The following ATP2B2 variants were observed in gnomAD, a reference collection of about 807,000 sequenced individuals.
ATP2B2 encodes ATPase plasma membrane Ca2+ transporting 2, also known as plasma membrane calcium-transporting ATPase 2.
A neutral mutation model predicts 120.0 loss-of-function variants in ATP2B2; 15 were observed. The observed-to-expected ratio is 0.12, with a 90% CI of 0.08 to 0.19. The LOEUF is 0.19. Among genes scored for constraint, ATP2B2 ranks in the 10% least tolerant of loss-of-function variants. The probability of loss-of-function intolerance (pLI) is 1.00; values close to 1 mark genes in which losing one functional copy is unlikely to be tolerated. For missense variants in ATP2B2, 1,045 were observed against 1,719.8 expected (o/e 0.61, Z 6.94); for synonymous variants, 694 against 700.3 (o/e 0.99, Z 0.14).
intron 1 of ATP2B2, among the ~76,000 whole-genome samples, chr3:10,683,719 T>A (rs2071436708): frequency 7.5e-6 from 1 of 134,008 alleles, no homozygotes. Context: ...TGTATATACA[T>A]GTGTGTGTGT....
At chr3:10,423,668 A>T (rs2125073624) in intron 2 of ATP2B2, among the ~76,000 whole-genome samples, 1 of 152,208 alleles carries the variant, frequency 6.6e-6, no homozygotes, top group South Asian at 2.1e-4. Flanking sequence ...GACAAGAAGC[A>T]CTTCCCTGTC....
At chr3:10,575,687 A>G (rs11128516) in intron 2 of ATP2B2, among the ~76,000 whole-genome samples, 23,415 of 152,072 alleles carry the variant, frequency 0.15, 2,103 homozygotes, top group South Asian at 0.28. Context: ...GTGCATAAAA[A>G]CACCAATACC....
At chr3:10,401,195 G>T in intron 4 of ATP2B2, 117 bp from the exon 5 acceptor site, 1 of 1,375,958 alleles carries the variant, frequency 7.3e-7, no homozygotes, top group Non-Finnish European at 1.0e-6. Context: ...AATGCCTAGA[G>T]CTCCCAGGGT....
In ATP2B2 at chr3:10,470,952, A is replaced by G. The variant is rs1244977354; in HGVS notation, c.-319-21090T>C. Among the ~76,000 whole-genome samples the G allele has an allele frequency of 2.6e-5, 4 of 152,324 alleles. No individual in the cohort carries two copies. The East Asian group carries it at 7.7e-4, about 29-fold the overall frequency. ...GGACCCACTGACAGCACGGGGGACA[A>G]CAGGCCTTGCCTCAGAGCGATGGCT... On this transcript the variant is annotated intron_variant, in intron 1 of 22. Transcript: ENST00000360273.
chr3:10,469,605 A>G (rs1450073290), intron 1 of ATP2B2, among the ~76,000 whole-genome samples: 1 of 152,208 alleles, frequency 6.6e-6, no homozygotes, highest in Non-Finnish European at 1.5e-5. Context: ...GCAGACTTCC[A>G]GGAAGAGGGT....
intron 2 of ATP2B2, among the ~76,000 whole-genome samples, chr3:10,574,524 C>T (rs2125549717): frequency 6.6e-6 from 1 of 152,310 alleles, no homozygotes; most frequent in Non-Finnish European, 1.5e-5. Flanking sequence ...TTCAGTCCAT[C>T]TCATCCTTTT....
chr3:10,376,647 G>C (rs559992595), intron 10 of ATP2B2, among the ~76,000 whole-genome samples: 1 of 152,240 alleles, frequency 6.6e-6, no homozygotes, highest in Admixed American at 6.5e-5. Context: ...GACAGAGGAA[G>C]AGCCTGCTCA....
At chr3:10,514,030 A>G (rs1265154424) in intron 3 of ATP2B2, among the ~76,000 whole-genome samples, 2 of 152,152 alleles carry the variant, frequency 1.3e-5, no homozygotes, top group Non-Finnish European at 2.9e-5. Context: ...AGAACTTTTC[A>G]TGTGTTGACT....
intron 2 of ATP2B2, among the ~76,000 whole-genome samples, chr3:10,441,750 A>T (rs909423480): frequency 6.6e-6 from 1 of 152,228 alleles, no homozygotes; most frequent in Non-Finnish European, 1.5e-5. Context: ...TATTTGTCCA[A>T]TAAATAAATG....
chr3:10,488,503 CTTCG>C (rs1410965636), intron 1 of ATP2B2, among the ~76,000 whole-genome samples: 68 of 77,562 alleles, frequency 8.8e-4, no homozygotes, highest in Non-Finnish European at 1.4e-3. Flanking sequence ...TCCTTCCTTC[CTTCG>C]TTCCTTCCTT....
intron 3 of ATP2B2, among the ~76,000 whole-genome samples, chr3:10,512,464 G>GCGCGCGCGCGCGCACACACACACA (rs749056818): frequency 1.5e-5 from 2 of 137,026 alleles, no homozygotes; most frequent in East Asian, 2.3e-4. Context: ...AAGTGTGTGC[G>GCGCGCGCGCGCGCACACACACACA]CACACACACA....
At chr3:10,535,232 TATC>T (rs1379263216) in intron 2 of ATP2B2, among the ~76,000 whole-genome samples, 1 of 152,136 alleles carries the variant, frequency 6.6e-6, no homozygotes, top group Non-Finnish European at 1.5e-5. Flanking sequence ...TTTAAATAGT[TATC>T]GATTCAAAAG....
chr3:10,328,945 T>C lies in ATP2B2; in HGVS notation c.3601A>G (p.Ser1201Gly). The change falls in exon 23 of 23, where the codon AGC (serine) becomes GGC (glycine). Residue 1201 changes from serine to glycine, a missense_variant. Ser to Gly is a moderately conservative substitution (Grantham distance 56). This residue lies in a region of ATP2B2 where 211 missense variants were observed against 385.1 expected (regional missense o/e 0.55). Transcript: ENST00000360273. ...TTCTTGTTGAGGGATGACGGCGGGCTCGAGTTCTGCTTGAGCGCGGCATCT... is the reference window on the plus strand; with the variant it reads ...TTCTTGTTGAGGGATGACGGCGGGCCCGAGTTCTGCTTGAGCGCGGCATCT... The part of the protein sequence containing the change: ...EEDAALKQNS[S>G]PPSSLNKNNS... 1.2e-6 allele frequency: 2 copies of C among 1,613,856 alleles called. No individual in the cohort carries two copies. The highest frequency in any genetic ancestry group is 2.2e-5 in the East Asian group (1 of 44,856).
At chr3:10,463,229 TTGCC>T (rs2064574739) in intron 1 of ATP2B2, among the ~76,000 whole-genome samples, 1 of 152,122 alleles carries the variant, frequency 6.6e-6, no homozygotes, top group Non-Finnish European at 1.5e-5. Flanking sequence ...TTTTGCCAGC[TTGCC>T]TCCCCAACTA....
Position 10,444,415 on chromosome 3 carries a change from C to T in ATP2B2, c.199+4930G>A, listed in dbSNP as rs920191941. ...CTAGTGGCAGCCCCATGGACGTTCT[C>T]GTTCAATATCATATTCACGTGCAGC... On this transcript the variant is annotated intron_variant, in intron 2 of 22. Transcript: ENST00000360273. 1.9e-4 allele frequency among the ~76,000 whole-genome samples: 29 copies of T among 152,330 alleles called. No individual in the cohort carries two copies. The East Asian group carries it at 5.0e-3, about 26-fold the overall frequency.
At chr3:10,601,574 T>C (rs2068921719) in intron 2 of ATP2B2, among the ~76,000 whole-genome samples, 1 of 152,216 alleles carries the variant, frequency 6.6e-6, no homozygotes, top group African/African-American at 2.4e-5. Context: ...CTCTAAGACC[T>C]GTTCAACCTA....
intron 1 of ATP2B2, among the ~76,000 whole-genome samples, chr3:10,665,815 C>T (rs967802281): frequency 5.3e-5 from 8 of 152,126 alleles, no homozygotes; most frequent in African/African-American, 1.9e-4. Context: ...AAGCTGGTAT[C>T]AGAGCTGGCA....
chr3:10,621,891 G>A (rs1037547738), intron 1 of ATP2B2, among the ~76,000 whole-genome samples: 1 of 152,228 alleles, frequency 6.6e-6, no homozygotes, highest in Non-Finnish European at 1.5e-5. Flanking sequence ...ACCAGGCTGT[G>A]CTCCCGGGCT....
At chr3:10,697,351 GCTGTGTGA>G (rs1161348955) in intron 1 of ATP2B2, among the ~76,000 whole-genome samples, 3 of 152,110 alleles carry the variant, frequency 2.0e-5, no homozygotes, top group African/African-American at 4.8e-5. Context: ...TGACCTCCTG[GCTGTGTGA>G]CTTTGGGCAA....
Sources: gnomAD v4.1 joint callset for allele counts (sites outside exome capture counted in the v4.1 genomes callset) on GRCh38, gnomAD v4.1.1 for gene constraint, gnomAD v4.1.1 regional missense constraint, MANE v1.5 for transcripts, NCBI Gene and HGNC (gene_info 2026-07-23, HGNC 2026-07-21) for gene names.